Variants in TMEM132B observed in about 807,000 individuals in gnomAD.
TMEM132B encodes transmembrane protein 132B.
Under a neutral mutation model 90.8 loss-of-function variants are expected in TMEM132B, and 18 were observed. The ratio of observed to expected loss-of-function variants is 0.20; its 90% CI spans 0.14 to 0.29. TMEM132B has a LOEUF of 0.29. Ranked by LOEUF, TMEM132B falls within the 10% of genes least tolerant of loss-of-function variation. The pLI is 1.00. For synonymous variants in TMEM132B, 504 were observed against 523.3 expected, an observed-to-expected ratio of 0.96 and a Z score of 0.50; for missense variants, 1,096 against 1,326.8, an observed-to-expected ratio of 0.83 and a Z score of 2.70.
chr12:125,560,769 G>A (rs1002938432), intron 4 of TMEM132B, among the ~76,000 whole-genome samples: 1 of 132,944 alleles, frequency 7.5e-6, no homozygotes, highest in Non-Finnish European at 1.5e-5. Flanking sequence ...AGCTTGCAGT[G>A]AGCCAAGATT....
At chr12:125,645,821 A>G (rs553661702) in intron 6 of TMEM132B, among the ~76,000 whole-genome samples, 30 of 152,196 alleles carry the variant, frequency 2.0e-4, no homozygotes, top group South Asian at 2.1e-4. Context: ...CAGCAATAGA[A>G]AACTAATACA....
At position 125,654,158 on chromosome 12, in the gene TMEM132B, G is replaced by A. The variant is rs201343262; in HGVS notation, c.2700G>A (p.Thr900=). 19 of 1,614,218 alleles carry A rather than the reference G, an allele frequency of 1.2e-5. No homozygotes were observed. The Admixed American group carries it at 1.5e-4, about 13-fold the overall frequency. Residue 900 remains threonine (T), a synonymous_variant, in exon 9 of 9, where the codon ACG becomes ACA. Coordinates refer to ENST00000682704, the MANE Select transcript of TMEM132B (RefSeq NM_001366854.1). This position sits in a 1 kb window ranked among gnomAD's most constrained non-coding sequence, Gnocchi z 5.8. The part of the protein sequence containing the change: ...SDLTVTSRGL[T]DLEIGMYALL... The stretch of plus-strand genomic sequence containing the variant: ...TCACAGTGACCTCAAGGGGGCTAAC[G>A]GACTTGGAGATTGGCATGTATGCCT...
chr12:125,338,243 G>A (rs984480188), intron 1 of TMEM132B, among the ~76,000 whole-genome samples: 1 of 152,150 alleles, frequency 6.6e-6, no homozygotes, highest in African/African-American at 2.4e-5. Context: ...TGGCTTAGGC[G>A]AGTAGGATTT....
chr12:125,603,498 C>G (rs578126063), intron 5 of TMEM132B, among the ~76,000 whole-genome samples: 1 of 152,238 alleles, frequency 6.6e-6, no homozygotes, highest in East Asian at 1.9e-4. Context: ...CATAAAAACC[C>G]CACAAGAAAA....
At chr12:125,494,353 C>T (rs555780724) in intron 3 of TMEM132B, among the ~76,000 whole-genome samples, 269 of 136,958 alleles carry the variant, frequency 2.0e-3, no homozygotes, top group Non-Finnish European at 3.6e-3. Context: ...TGCGTCCCTC[C>T]GCCCCCTCCT....
intron 1 of TMEM132B, among the ~76,000 whole-genome samples, chr12:125,252,648 T>C (rs770404082): frequency 5.9e-5 from 9 of 152,304 alleles, no homozygotes; most frequent in African/African-American, 1.4e-4. Context: ...GCATGGACTT[T>C]TGTCTCAGAG....
intron 5 of TMEM132B, among the ~76,000 whole-genome samples, chr12:125,610,691 A>G (rs1885804037): frequency 6.6e-6 from 1 of 152,058 alleles, no homozygotes; most frequent in East Asian, 1.9e-4. Flanking sequence ...GTTTTATTAT[A>G]TAAACCAATG....
chr12:125,274,954 G>C (rs1046151398), intron 1 of TMEM132B, among the ~76,000 whole-genome samples: 2 of 152,106 alleles, frequency 1.3e-5, no homozygotes, highest in African/African-American at 4.8e-5. Context: ...ATAACCTAAG[G>C]ATTCCAAGGA....
chr12:125,424,656 C>A (rs78998368), intron 3 of TMEM132B, among the ~76,000 whole-genome samples: 5,199 of 152,282 alleles, frequency 0.034, 122 homozygotes, highest in Middle Eastern at 0.058. Flanking sequence ...AAGGCTGTGT[C>A]AAAATCCATC....
chr12:125,287,223 C>T (rs1359243527), intron 1 of TMEM132B, among the ~76,000 whole-genome samples: 2 of 152,164 alleles, frequency 1.3e-5, no homozygotes, highest in Middle Eastern at 3.4e-3. Context: ...TTGGACCTCC[C>T]ACCACCCTCT....
Position 125,408,061 on chromosome 12 carries a change from G to A in TMEM132B, c.960-7470G>A, listed in dbSNP as rs1369550957. Among the ~76,000 whole-genome samples, 1 of 152,218 alleles carries A rather than the reference G, an allele frequency of 6.6e-6. No individual in the cohort carries two copies. The highest frequency in any genetic ancestry group is 1.9e-4 in the East Asian group (1 of 5,198). The stretch of plus-strand genomic sequence containing the variant: ...CTGCCTCTACCACAGGGCGGCCACT[G>A]TGCAGGCTTTCACCTCGGAGATCTG... On this transcript the variant is annotated intron_variant, in intron 2 of 8. Transcript: ENST00000682704. The surrounding 1 kb of genome is among the most constrained non-coding windows in gnomAD (Gnocchi z 5.9).
chr12:125,477,593 T>A (rs1245566981), intron 3 of TMEM132B, among the ~76,000 whole-genome samples: 1 of 152,248 alleles, frequency 6.6e-6, no homozygotes, highest in Non-Finnish European at 1.5e-5. Flanking sequence ...TTACATTTTT[T>A]TCAACTTTAG....
At chr12:125,594,813 T>C (rs115883210) in intron 5 of TMEM132B, among the ~76,000 whole-genome samples, 1,534 of 152,298 alleles carry the variant, frequency 0.01, 28 homozygotes, top group African/African-American at 0.035. Context: ...TATTTGAAAA[T>C]ATGTTATTCC....
chr12:125,507,468 T>A (rs1056215837), intron 3 of TMEM132B, among the ~76,000 whole-genome samples: 2 of 152,024 alleles, frequency 1.3e-5, no homozygotes, highest in Non-Finnish European at 2.9e-5. Flanking sequence ...GTGTAGGAGA[T>A]GGGTCTTTCA....
chr12:125,563,796 A>G (rs1190943953), intron 4 of TMEM132B, among the ~76,000 whole-genome samples: 1 of 152,182 alleles, frequency 6.6e-6, no homozygotes, highest in Non-Finnish European at 1.5e-5. Context: ...GGAGAAATAC[A>G]GAGAAGAAGG....
chr12:125,482,999 A>G (rs1882090068), intron 3 of TMEM132B, among the ~76,000 whole-genome samples: 1 of 152,100 alleles, frequency 6.6e-6, no homozygotes, highest in Non-Finnish European at 1.5e-5. Flanking sequence ...GCAAGGACAG[A>G]AAACCAAACA....
intron 1 of TMEM132B, among the ~76,000 whole-genome samples, chr12:125,321,449 A>C (rs1876422195): frequency 6.6e-6 from 1 of 151,898 alleles, no homozygotes; most frequent in East Asian, 1.9e-4. Context: ...GGAATGTAAA[A>C]TGGTGTAGTC....
At chr12:125,232,128 G>A (rs1011047868) in intron 1 of TMEM132B, among the ~76,000 whole-genome samples, 1 of 152,074 alleles carries the variant, frequency 6.6e-6, no homozygotes, top group African/African-American at 2.4e-5. Flanking sequence ...AGTGGTCATC[G>A]TCTTCATATA....
chr12:125,242,634 C>T (rs1240671942), intron 1 of TMEM132B, among the ~76,000 whole-genome samples: 4 of 152,164 alleles, frequency 2.6e-5, no homozygotes, highest in Admixed American at 1.3e-4. Context: ...GGAGGAACCC[C>T]GTGCACTTGA....
Sources: gnomAD v4.1 joint callset for allele counts (sites outside exome capture counted in the v4.1 genomes callset) on GRCh38, gnomAD v4.1.1 for gene constraint, Gnocchi (gnomAD v3.1) non-coding constraint, MANE v1.5 for transcripts, NCBI Gene and HGNC (gene_info 2026-07-23, HGNC 2026-07-21) for gene names.